Variants in ANKRD11 observed in about 807,000 individuals in gnomAD.
The protein encoded by ANKRD11 is ankyrin repeat domain-containing protein 11.
In ANKRD11, 17 loss-of-function variants were observed where a neutral mutation model predicts 195.7. The ratio of observed to expected loss-of-function variants is 0.09; its 90% CI spans 0.06 to 0.13. The LOEUF (loss-of-function observed/expected upper bound fraction) is 0.13. Among genes scored for constraint, ANKRD11 ranks in the 10% least tolerant of loss-of-function variants. The probability of loss-of-function intolerance (pLI) is 1.00; values close to 1 mark genes in which losing one functional copy is unlikely to be tolerated. For synonymous variants in ANKRD11, 1,953 were observed against 1,528.1 expected (o/e 1.28, Z -6.49); for missense variants, 3,735 against 3,566.1 (o/e 1.05, Z -1.21).
intron 7 of ANKRD11, chr16:89,286,797 T>C: frequency 2.3e-6 from 3 of 1,287,242 alleles, no homozygotes; most frequent in Non-Finnish European, 3.0e-6. Flanking sequence ...CAGCTGTTCA[T>C]CACCAGCAAC....
intron 2 of ANKRD11, among the ~76,000 whole-genome samples, chr16:89,348,601 T>A (rs1204648659): frequency 6.6e-6 from 1 of 152,208 alleles, no homozygotes; most frequent in African/African-American, 2.4e-5. Context: ...GGAAGGGTGT[T>A]AACTAAAATT....
intron 1 of ANKRD11, among the ~76,000 whole-genome samples, chr16:89,450,999 G>C (rs1044225181): frequency 1.3e-5 from 2 of 152,186 alleles, no homozygotes; most frequent in African/African-American, 4.8e-5. Context: ...TCAGAGGTGA[G>C]CAAAGCACTG....
chr16:89,457,858 G>T (rs1197163201), intron 1 of ANKRD11, among the ~76,000 whole-genome samples: 1 of 152,164 alleles, frequency 6.6e-6, no homozygotes, highest in Non-Finnish European at 1.5e-5. Flanking sequence ...AAGAAATCCA[G>T]GTACATGTGA....
chr16:89,334,519 G>C (rs954780124), intron 2 of ANKRD11, among the ~76,000 whole-genome samples: 1 of 152,110 alleles, frequency 6.6e-6, no homozygotes, highest in African/African-American at 2.4e-5. Flanking sequence ...CTGGCAAAGT[G>C]ACGAGAAAAC....
chr16:89,284,278 T>G lies in ANKRD11; in HGVS notation c.2264A>C (p.Glu755Ala). The G allele has an allele frequency of 1.2e-6, 2 of 1,613,980 alleles. No homozygotes were observed. The highest frequency in any genetic ancestry group is 1.7e-6 in the Non-Finnish European group (2 of 1,180,026). Residue 755 changes from glutamate (E) to alanine (A), a missense_variant, in exon 9 of 13, where the codon GAA (glutamate) becomes GCA (alanine). Glu to Ala is a moderately radical substitution (Grantham distance 107). Transcript: ENST00000301030. Reference sequence around the variant, plus strand: ...CTCTTTGTACAGTCTCAGTTTTTCTTCTTTCGGAGACTTTTCCTTCAGCGA... The same window carrying G: ...CTCTTTGTACAGTCTCAGTTTTTCTGCTTTCGGAGACTTTTCCTTCAGCGA... ...ERSLKEKSPK[E>A]EKLRLYKEER... is the part of the protein sequence containing the mutation.
chr16:89,482,069 C>G (rs2057462426), intron 1 of ANKRD11, among the ~76,000 whole-genome samples: 1 of 152,164 alleles, frequency 6.6e-6, no homozygotes, highest in Non-Finnish European at 1.5e-5. Flanking sequence ...GATCTCAGAA[C>G]AGGAGGCCAC....
At chr16:89,330,697 C>G (rs541336201) in intron 2 of ANKRD11, among the ~76,000 whole-genome samples, 103 of 124,038 alleles carry the variant, frequency 8.3e-4, no homozygotes, top group African/African-American at 3.0e-3. Flanking sequence ...GAAGCTGCAG[C>G]ATCTCTTGTA....
intron 3 of ANKRD11, 142 bp downstream of exon 3, chr16:89,316,791 C>G (rs572080074): frequency 2.0e-6 from 2 of 1,001,204 alleles, no homozygotes; most frequent in East Asian, 2.6e-5. Flanking sequence ...TCCTCACCAC[C>G]CTCTCCACTC....
chr16:89,367,779 T>A (rs547689540), intron 2 of ANKRD11, among the ~76,000 whole-genome samples: 7 of 152,136 alleles, frequency 4.6e-5, no homozygotes, highest in Admixed American at 1.3e-4. Flanking sequence ...TGCTGCCTCT[T>A]GCAAACTATG....
chr16:89,285,564 G>A lies in ANKRD11; in HGVS notation c.978C>T (p.Gly326=). ...CTGGGTTCTTGGCCTTGTGCTTGAG[G>A]CCTTTTTCGAACTCGGAGTCCGTGT... ...GNNTDSEFEK[G]LKHKAKNPEP... is the part of the protein sequence containing the mutation. Residue 326 remains glycine, a synonymous_variant, in exon 9 of 13, where the codon GGC becomes GGT. Transcript: ENST00000301030. The surrounding 1 kb of genome is among the most constrained non-coding windows in gnomAD (Gnocchi z 5.6). 5 of 1,614,140 alleles carry A rather than the reference G, an allele frequency of 3.1e-6. No homozygotes were observed. Among genetic ancestry groups the A allele is most frequent in the East Asian group, 2.2e-5 (1 of 44,886 alleles).
intron 1 of ANKRD11, among the ~76,000 whole-genome samples, chr16:89,476,588 A>T (rs2057265652): frequency 6.6e-6 from 1 of 152,194 alleles, no homozygotes; most frequent in Non-Finnish European, 1.5e-5. Flanking sequence ...CTCCTGACTC[A>T]GCCAGGTGGG....
intron 9 of ANKRD11, chr16:89,278,641 T>TGC (rs954076648): frequency 2.0e-5 from 9 of 460,880 alleles, no homozygotes; most frequent in Admixed American, 1.9e-4. Flanking sequence ...GGACTCATCG[T>TGC]GCAGGTATGG....
chr16:89,311,682 AAG>A (rs760040702), intron 3 of ANKRD11, among the ~76,000 whole-genome samples: 1 of 152,338 alleles, frequency 6.6e-6, no homozygotes, highest in Non-Finnish European at 1.5e-5. Flanking sequence ...AGGATTTTAA[AAG>A]AGAGCACGAG....
chr16:89,398,233 G>A (rs575884813), intron 2 of ANKRD11, among the ~76,000 whole-genome samples: 58 of 150,800 alleles, frequency 3.8e-4, no homozygotes, highest in Non-Finnish European at 6.8e-4. Flanking sequence ...TCAGCACTCT[G>A]GGAGGCTGAC....
intron 2 of ANKRD11, among the ~76,000 whole-genome samples, chr16:89,343,437 A>G (rs1159225514): frequency 6.6e-6 from 1 of 152,248 alleles, no homozygotes; most frequent in East Asian, 1.9e-4. Context: ...TTGTGTTTTT[A>G]TGTGTAATCT....
intron 2 of ANKRD11, among the ~76,000 whole-genome samples, chr16:89,350,489 A>T (rs1188692457): frequency 6.6e-6 from 1 of 152,228 alleles, no homozygotes; most frequent in East Asian, 1.9e-4. Context: ...TAAACTACTG[A>T]CATACACCAC....
intron 1 of ANKRD11, among the ~76,000 whole-genome samples, chr16:89,428,066 G>C (rs551092747): frequency 5.3e-5 from 8 of 151,010 alleles, no homozygotes; most frequent in Admixed American, 2.6e-4. Flanking sequence ...AAATTAGCCA[G>C]ACATGGTGGC....
rs377601454 is a variant in ANKRD11 at position 89,268,628 on chromosome 16, C to T, written c.7842G>A (p.Ala2614=). Residue 2614 remains alanine, a synonymous_variant, in exon 13 of 13, where the codon GCG becomes GCA. Transcript: ENST00000301030. ...CCATCCTCTGCACGGCGTTCAGGGC[C>T]GCGGCCTCGTGCTGCTGCCGCATGA... ...CLLMRQQHEA[A]ALNAVQRMEW... The T allele has an allele frequency of 2.5e-6, 4 of 1,570,996 alleles. No homozygotes were observed. The highest frequency in any genetic ancestry group is 1.3e-5 in the African/African-American group (1 of 74,292).
At chr16:89,441,878 G>C (rs1040324941) in intron 1 of ANKRD11, among the ~76,000 whole-genome samples, 1 of 151,054 alleles carries the variant, frequency 6.6e-6, no homozygotes, top group Non-Finnish European at 1.5e-5. Flanking sequence ...ATGGCAAGGT[G>C]GCAGCCGACT....
Sources: gnomAD v4.1 joint callset for allele counts (sites outside exome capture counted in the v4.1 genomes callset) on GRCh38, gnomAD v4.1.1 for gene constraint, Gnocchi (gnomAD v3.1) non-coding constraint, MANE v1.5 for transcripts, NCBI Gene and HGNC (gene_info 2026-07-23, HGNC 2026-07-21) for gene names.